Variants in TEKT2 observed in about 807,000 individuals in gnomAD.
TEKT2 encodes tektin 2.
Under a neutral mutation model 49.8 loss-of-function variants are expected in TEKT2, and 45 were observed. The ratio of observed to expected loss-of-function variants is 0.90; its 90% confidence interval spans 0.71 to 1.16. The LOEUF (loss-of-function observed/expected upper bound fraction) is 1.16. TEKT2 is among the 50% of genes most tolerant of loss of function. TEKT2 has a pLI of 0.00. For missense variants in TEKT2, 523 were observed against 551.4 expected (o/e 0.95, Z 0.52); for synonymous variants, 202 against 224.6 (o/e 0.90, Z 0.90).
intron 3 of TEKT2, 50 bp from the exon 4 acceptor site, chr1:36,085,786 C>G (rs1356578595): frequency 6.3e-7 from 1 of 1,576,016 alleles, no homozygotes; most frequent in Non-Finnish European, 8.7e-7. Flanking sequence ...TCCCGAAGTG[C>G]TGGGATTACA....
chr1:36,086,785 C>T lies in TEKT2; in HGVS notation c.570C>T (p.Leu190=). 1.2e-6 allele frequency: 2 copies of T among 1,614,114 alleles called. No individual in the cohort carries two copies. The highest frequency in any genetic ancestry group is 1.7e-6 in the Non-Finnish European group (2 of 1,180,022). Residue 190 remains leucine, a synonymous_variant, in exon 5 of 10, where the codon CTC becomes CTT. Transcript: ENST00000207457. ...METLEIDRGC[L]SLNLRSPNIS... ...CACTAGAGATCGACAGAGGCTGTCTCTCTCTCAACCTCAGATCCCCAAACA... is the reference window on the plus strand; with the variant it reads ...CACTAGAGATCGACAGAGGCTGTCTTTCTCTCAACCTCAGATCCCCAAACA...
chr1:36,086,003 C>A lies in TEKT2; in HGVS notation c.450C>A (p.Ala150=). The A allele has an allele frequency of 6.2e-7, 1 of 1,603,636 alleles. No homozygotes were observed. ...AGGTCATCGAGGCCACCAAGAAGGC[C>A]TTGCAACAGAAGGTCAGCCAGGCCT... ...EVEVIEATKK[A]LQQKVSQAFE... Residue 150 remains alanine (A), a synonymous_variant, in exon 4 of 10, where the codon GCC becomes GCA. Coordinates refer to ENST00000207457, the MANE Select transcript of TEKT2 (RefSeq NM_014466.3).
In TEKT2 at chr1:36,087,040, G is replaced by C; in HGVS notation, c.742G>C (p.Ala248Pro). ...ELREATALTI[A>P]ETNNELEAQR... ...GAGGGAGGCCACTGCTCTAACTATTGCTGAGGTGACAGGCCACCCACAGCT... is the reference window on the plus strand; with the variant it reads ...GAGGGAGGCCACTGCTCTAACTATTCCTGAGGTGACAGGCCACCCACAGCT... The change falls in exon 6 of 10, where the codon GCT becomes CCT. Residue 248 changes from alanine (A) to proline (P), a missense_variant. Ala to Pro is a conservative substitution (Grantham distance 27, BLOSUM62 -1). Coordinates refer to ENST00000207457, the MANE Select transcript of TEKT2 (RefSeq NM_014466.3). The surrounding 1 kb of genome is among the most constrained non-coding windows in gnomAD (Gnocchi z 4.9). 2.5e-6 allele frequency: 4 copies of C among 1,613,950 alleles called. No individual in the cohort carries two copies. The highest frequency in any genetic ancestry group is 3.4e-6 in the Non-Finnish European group (4 of 1,180,002).
chr1:36,085,252 G>C lies in TEKT2; in HGVS notation c.246G>C (p.Leu82=). 1.9e-6 allele frequency: 3 copies of C among 1,614,162 alleles called. No homozygotes were observed. Among genetic ancestry groups the C allele is most frequent in the Non-Finnish European group, 2.5e-6 (3 of 1,180,024 alleles). The change falls in exon 3 of 10, where the codon CTG becomes CTC. Residue 82 remains leucine (L), a synonymous_variant. Coordinates refer to ENST00000207457, the MANE Select transcript of TEKT2 (RefSeq NM_014466.3). ...GGAAGGAGATGCTGGACAAGTGTCT[G>C]ACAGATTTAGATGCCGAGATCGATG... ...NRWKEMLDKC[L]TDLDAEIDAL...
intron 4 of TEKT2, among the ~76,000 whole-genome samples, chr1:36,086,477 G>A (rs1643375526): frequency 6.6e-6 from 1 of 151,998 alleles, no homozygotes; most frequent in South Asian, 2.1e-4. Context: ...CATCCTGCGG[G>A]TGTGTAGGGC....
At position 36,087,443 on chromosome 1, in the gene TEKT2, TGGA is replaced by T; in HGVS notation, c.865_867del (p.Glu289del). 1.9e-6 allele frequency: 3 copies of T among 1,613,750 alleles called. No individual in the cohort carries two copies. The South Asian group carries it at 3.3e-5, about 18-fold the overall frequency. ...CAGTCACTCTGTCCCCTGCAGACCT[TGGA>T]GGAGATCGCTGAGCTGCAGGAGGAC... On this transcript the variant is annotated inframe_deletion, in exon 8 of 10. Transcript: ENST00000207457. This position sits in a 1 kb window ranked among gnomAD's most constrained non-coding sequence, Gnocchi z 4.9.
rs1423442259 is a variant in TEKT2 at position 36,086,042 on chromosome 1, G to A, written c.488+1G>A. Reference sequence around the variant, plus strand: ...TCAGCCAGGCCTTCGAGCAGCTCTGGTAAGGGAGAGGCAGGTCGTCCGCAT... The same window carrying A: ...TCAGCCAGGCCTTCGAGCAGCTCTGATAAGGGAGAGGCAGGTCGTCCGCAT... On this transcript the variant is annotated splice_donor_variant, in intron 4 of 9. Transcript: ENST00000207457. LOFTEE classifies it high-confidence loss of function. 3.2e-6 allele frequency: 5 copies of A among 1,573,462 alleles called. No individual in the cohort carries two copies. In the African/African-American group the frequency reaches 5.4e-5, roughly 17 times the overall value.
chr1:36,086,067 T>C (rs1643368575), intron 4 of TEKT2, 26 bp downstream of exon 4: 3 of 1,555,804 alleles, frequency 1.9e-6, no homozygotes, highest in East Asian at 4.8e-5. Context: ...GTCGTCCGCA[T>C]GTTCATGGGC....
rs1643340340 is a variant in TEKT2 at position 36,084,807 on chromosome 1, A to G, written c.-52-63A>G. Reference sequence around the variant, plus strand: ...AAATGGACAGGAACAAGTCCTGCGCAGGGGGCGTGTGATCCAGGAGGTCTC... The same window carrying G: ...AAATGGACAGGAACAAGTCCTGCGCGGGGGGCGTGTGATCCAGGAGGTCTC... On this transcript the variant is annotated intron_variant, in intron 1 of 9. Coordinates refer to ENST00000207457, the MANE Select transcript of TEKT2 (RefSeq NM_014466.3). The surrounding 1 kb of genome is among the most constrained non-coding windows in gnomAD (Gnocchi z 4.1). The G allele has an allele frequency of 1.3e-6, 2 of 1,493,282 alleles. No individual in the cohort carries two copies. Among genetic ancestry groups the G allele is most frequent in the East Asian group, 4.5e-5 (2 of 44,236 alleles). 92.5% of individuals were successfully genotyped at this position (1,493,282 alleles called of 1,614,324 possible).
Position 36,084,609 on chromosome 1 carries a change from G to C in TEKT2, c.-52-261G>C, listed in dbSNP as rs1380192629. 4.1e-6 allele frequency: 2 copies of C among 493,450 alleles called. No individual in the cohort carries two copies. The highest frequency in any genetic ancestry group is 7.4e-6 in the Non-Finnish European group (2 of 270,764). 30.6% of individuals were successfully genotyped at this position (493,450 alleles called of 1,614,324 possible). On this transcript the variant is annotated intron_variant, in intron 1 of 9. Transcript: ENST00000207457. The surrounding 1 kb of genome is among the most constrained non-coding windows in gnomAD (Gnocchi z 4.1). ...GCATTTGGCACTTCACACACACTTCGAGGCTTCCGGGACTCCATTATTCCT... is the reference window on the plus strand; with the variant it reads ...GCATTTGGCACTTCACACACACTTCCAGGCTTCCGGGACTCCATTATTCCT...
At position 36,084,527 on chromosome 1, in the gene TEKT2, G is replaced by T; in HGVS notation, c.-52-343G>T. On this transcript the variant is annotated intron_variant, in intron 1 of 9. Coordinates refer to ENST00000207457, the MANE Select transcript of TEKT2 (RefSeq NM_014466.3). The surrounding 1 kb of genome is among the most constrained non-coding windows in gnomAD (Gnocchi z 4.1). The stretch of plus-strand genomic sequence containing the variant: ...ATCAACAAGGCATGGTTGGCTGGGG[G>T]CAGGTGTGGAAAATGCATTAAGGGC... The T allele has an allele frequency of 1.2e-5, 4 of 327,086 alleles. No individual in the cohort carries two copies. Among genetic ancestry groups the T allele is most frequent in the South Asian group, 1.2e-4 (4 of 34,370 alleles). The allele number at this position is 327,086 out of a possible 1,614,324, so 20.3% of individuals were successfully genotyped here.
At position 36,087,799 on chromosome 1, in the gene TEKT2, G is replaced by A. The variant is rs547869588; in HGVS notation, c.1071G>A (p.Ala357=). The change falls in exon 9 of 10, where the codon GCG becomes GCA. Residue 357 remains alanine (A), a synonymous_variant. Coordinates refer to ENST00000207457, the MANE Select transcript of TEKT2 (RefSeq NM_014466.3). This position sits in a 1 kb window ranked among gnomAD's most constrained non-coding sequence, Gnocchi z 4.9. ...TCGCTGCCCTGAAGCAGAAGCTGGC[G>A]CAAGCACAGTAGGTCTCGGGAGTGG... ...ATIAALKQKL[A]QAQDALDALC... 39 of 1,613,742 alleles carry A rather than the reference G, an allele frequency of 2.4e-5. No homozygotes were observed. The Admixed American group carries it at 2.5e-4, about 10-fold the overall frequency.
At position 36,087,608 on chromosome 1, in the gene TEKT2, G is replaced by A. The variant is rs370190340; in HGVS notation, c.999+26G>A. ...GTGAGAGGGTGTCCCAGTGGCGCAC[G>A]GGCCCCCTAGCCAAGGTTTTCTCAT... On this transcript the variant is annotated intron_variant, in intron 8 of 9. Transcript: ENST00000207457. The surrounding 1 kb of genome is among the most constrained non-coding windows in gnomAD (Gnocchi z 4.9). The A allele has an allele frequency of 3.1e-6, 5 of 1,613,460 alleles. No individual in the cohort carries two copies. Among genetic ancestry groups the A allele is most frequent in the Admixed American group, 3.3e-5 (2 of 59,970 alleles).
rs116893490 is a variant in TEKT2, at chr1:36,086,835, G to T, written c.620G>T (p.Arg207Leu). The T allele has an allele frequency of 6.2e-7, 1 of 1,614,148 alleles. No individual in the cohort carries two copies. ...ATCTCGCTGAAGGTTGACCCCACAC[G>T]TGTACCTGATGGGTAAGAAGAGTGT... ...PNISLKVDPTRVPDGSTTLQQ... is the reference protein window; with the variant it reads ...PNISLKVDPTLVPDGSTTLQQ... Residue 207 changes from arginine to leucine, a missense_variant, in exon 5 of 10, where the codon CGT becomes CTT. Physicochemically the swap from Arg to Leu is moderately radical, Grantham distance 102 (BLOSUM62 -2). Coordinates refer to ENST00000207457, the MANE Select transcript of TEKT2 (RefSeq NM_014466.3).
At position 36,085,999 on chromosome 1, in the gene TEKT2, A is replaced by C. The variant is rs375817757; in HGVS notation, c.446A>C (p.Lys149Thr). 10 of 1,604,878 alleles carry C rather than the reference A, an allele frequency of 6.2e-6. No individual in the cohort carries two copies. Among genetic ancestry groups the C allele is most frequent in the South Asian group, 1.1e-5 (1 of 89,612 alleles). ...KEVEVIEATK[K>T]ALQQKVSQAF... ...GTGGAGGTCATCGAGGCCACCAAGA[A>C]GGCCTTGCAACAGAAGGTCAGCCAG... The change falls in exon 4 of 10, where the codon AAG becomes ACG. Residue 149 changes from lysine to threonine, a missense_variant. Physicochemically the swap from Lys to Thr is moderately conservative, Grantham distance 78. Transcript: ENST00000207457.
chr1:36,086,829 C>T lies in TEKT2; in HGVS notation c.614C>T (p.Pro205Leu), dbSNP rs768104462. 3.7e-6 allele frequency: 6 copies of T among 1,614,182 alleles called. No individual in the cohort carries two copies. In the South Asian group the frequency reaches 6.6e-5, roughly 18 times the overall value. Residue 205 changes from proline to leucine, a missense_variant, in exon 5 of 10, where the codon CCC becomes CTC. By Grantham distance (98) the Pro-to-Leu change is moderately conservative. Transcript: ENST00000207457. ...RSPNISLKVD[P>L]TRVPDGSTTL... Reference sequence around the variant, plus strand: ...CCAAACATCTCGCTGAAGGTTGACCCCACACGTGTACCTGATGGGTAAGAA... The same window carrying T: ...CCAAACATCTCGCTGAAGGTTGACCTCACACGTGTACCTGATGGGTAAGAA...
Position 36,088,203 on chromosome 1 carries a change from GAGGAGGGCAGGGTTGGGTGGGCAATGGA to G in TEKT2, c.*25_*52del. 6.9e-7 allele frequency: 1 copy of G among 1,449,178 alleles called. No homozygotes were observed. Among genetic ancestry groups the G allele is most frequent in the Non-Finnish European group, 9.6e-7 (1 of 1,039,348 alleles). 89.8% of individuals were successfully genotyped at this position (1,449,178 alleles called of 1,614,324 possible). A position where few individuals can be genotyped will look rare whatever the true frequency, so the allele number is the denominator to read the frequency against. On this transcript the variant is annotated 3_prime_UTR_variant, in exon 10 of 10. Coordinates refer to ENST00000207457, the MANE Select transcript of TEKT2 (RefSeq NM_014466.3). ...CTGGCCTAGCCTTGGAGGACTGCAG[GAGGAGGGCAGGGTTGGGTGGGCAATGGA>G]AGGAGGGAGGAGAGAAATGAATGGA...
chr1:36,084,256 G>C lies in TEKT2; in HGVS notation c.-53+107G>C, dbSNP rs1643330143. 1 of 155,012 alleles carries C rather than the reference G, an allele frequency of 6.5e-6. No individual in the cohort carries two copies. Among genetic ancestry groups the C allele is most frequent in the African/African-American group, 2.4e-5 (1 of 41,468 alleles). 9.6% of individuals were successfully genotyped at this position (155,012 alleles called of 1,614,324 possible). On this transcript the variant is annotated intron_variant, in intron 1 of 9. Coordinates refer to ENST00000207457, the MANE Select transcript of TEKT2 (RefSeq NM_014466.3). This position sits in a 1 kb window ranked among gnomAD's most constrained non-coding sequence, Gnocchi z 4.1. Reference sequence around the variant, plus strand: ...GCGGAGGGGAAGAAAGGGGTTTGACGGGGAACCGGACTGACCCCAGCTCTT... The same window carrying C: ...GCGGAGGGGAAGAAAGGGGTTTGACCGGGAACCGGACTGACCCCAGCTCTT...
chr1:36,086,937 C>T lies in TEKT2; in HGVS notation c.639C>T (p.Thr213=). 6.2e-7 allele frequency: 1 copy of T among 1,613,904 alleles called. No homozygotes were observed. The highest frequency in any genetic ancestry group is 8.5e-7 in the Non-Finnish European group (1 of 1,180,020). ...VDPTRVPDGS[T]TLQQWDDFSR... ...TTTTCCCTGCCACCTGCAGCTCCACCACACTCCAGCAGTGGGATGACTTCA... is the reference window on the plus strand; with the variant it reads ...TTTTCCCTGCCACCTGCAGCTCCACTACACTCCAGCAGTGGGATGACTTCA... Residue 213 remains threonine (T), a synonymous_variant, in exon 6 of 10, where the codon ACC becomes ACT. Coordinates refer to ENST00000207457, the MANE Select transcript of TEKT2 (RefSeq NM_014466.3).
Sources: allele counts gnomAD v4.1 joint callset (sites outside exome capture counted in the v4.1 genomes callset), GRCh38; gene constraint gnomAD v4.1.1; non-coding constraint Gnocchi (gnomAD v3.1); transcripts MANE v1.5; gene names NCBI Gene and HGNC (gene_info 2026-07-23, HGNC 2026-07-21).